TMEM63C: variants seen among roughly 807,000 people sequenced by gnomAD.
TMEM63C encodes the protein osmosensitive cation channel TMEM63C.
In TMEM63C, 32 loss-of-function variants were observed where a neutral mutation model predicts 99.2. The observed-to-expected ratio is 0.32, with a 90% CI of 0.24 to 0.43. The LOEUF is 0.43. TMEM63C is among the 20% of genes least tolerant of loss of function. The probability of loss-of-function intolerance (pLI) is 1.00; values close to 1 mark genes in which losing one functional copy is unlikely to be tolerated. For missense variants in TMEM63C, 826 were observed against 1,053.0 expected (o/e 0.78, Z 2.98); for synonymous variants, 376 against 397.9 (o/e 0.94, Z 0.66).
intron 1 of TMEM63C, among the ~76,000 whole-genome samples, chr14:77,212,763 T>C (rs1888513569): frequency 6.6e-6 from 1 of 152,146 alleles, no homozygotes; most frequent in South Asian, 2.1e-4. Flanking sequence ...TTTCTTTTCC[T>C]CCCTCACTGC....
chr14:77,249,298 C>T lies in TMEM63C; in HGVS notation c.1878C>T (p.Leu626=). ...TCCACCTTTGTCCCCCAGGGTTGCT[C>T]TACCTGTGCATGAAGCACTTGACGG... is the stretch of plus-strand genomic sequence containing the variant. ...TCPIIVPFGL[L]YLCMKHLTDR... is the part of the protein sequence containing the mutation. The change falls in exon 21 of 24, where the codon CTC becomes CTT. Residue 626 remains leucine, a synonymous_variant. Transcript: ENST00000298351. 1 of 1,613,946 alleles carries T rather than the reference C, an allele frequency of 6.2e-7. No individual in the cohort carries two copies. The highest frequency in any genetic ancestry group is 8.5e-7 in the Non-Finnish European group (1 of 1,179,856).
chr14:77,193,690 C>T (rs1054067657), intron 1 of TMEM63C, among the ~76,000 whole-genome samples: 2 of 152,052 alleles, frequency 1.3e-5, no homozygotes, highest in Non-Finnish European at 1.5e-5. Flanking sequence ...CAAAATTAGC[C>T]GGGTGTGGTG....
intron 1 of TMEM63C, among the ~76,000 whole-genome samples, chr14:77,189,782 G>T (rs997298764): frequency 6.6e-6 from 1 of 152,188 alleles, no homozygotes; most frequent in Non-Finnish European, 1.5e-5. Context: ...GAACTGGCAG[G>T]TTTCACTGGG....
intron 1 of TMEM63C, chr14:77,196,039 A>C (rs914757349): frequency 2.6e-5 from 4 of 152,930 alleles, no homozygotes; most frequent in African/African-American, 9.6e-5. Flanking sequence ...GCCCGCCTGC[A>C]CTGAGAGGGT....
intron 12 of TMEM63C, 51 bp downstream of exon 12, chr14:77,239,777 G>A (rs1889132030): frequency 1.1e-5 from 17 of 1,594,720 alleles, no homozygotes; most frequent in Non-Finnish European, 1.4e-5. Context: ...GGGGTCCTGG[G>A]GCTCTAGGCT....
Position 77,218,846 on chromosome 14 carries a change from G to C in TMEM63C, c.33G>C (p.Gly11=), listed in dbSNP as rs778579284. The change falls in exon 3 of 24, where the codon GGG becomes GGC. Residue 11 remains glycine (G), a synonymous_variant. Coordinates refer to ENST00000298351, the MANE Select transcript of TMEM63C (RefSeq NM_020431.4). Reference sequence around the variant, plus strand: ...CCTCACCAGACGACCTGAGTACAGGGGGAAGGTTACAGAACATGACAGTGG... The same window carrying C: ...CCTCACCAGACGACCTGAGTACAGGCGGAAGGTTACAGAACATGACAGTGG... The part of the protein sequence containing the change: MSASPDDLST[G]GRLQNMTVDE... The C allele has an allele frequency of 6.2e-6, 10 of 1,613,718 alleles. No individual in the cohort carries two copies. Among genetic ancestry groups the C allele is most frequent in the Non-Finnish European group, 8.5e-6 (10 of 1,179,812 alleles).
intron 15 of TMEM63C, 29 bp from the exon 16 acceptor site, chr14:77,244,320 T>A: frequency 6.5e-7 from 1 of 1,532,324 alleles, no homozygotes; most frequent in Non-Finnish European, 9.0e-7. Context: ...TTGACGTCTC[T>A]CCTGCCGTCC....
At chr14:77,244,127 C>T (rs930707538) in intron 15 of TMEM63C, among the ~76,000 whole-genome samples, 4 of 152,102 alleles carry the variant, frequency 2.6e-5, no homozygotes, top group Non-Finnish European at 2.9e-5. Context: ...CTCAGGCTGC[C>T]GCTCCAGTGA....
intron 18 of TMEM63C, among the ~76,000 whole-genome samples, chr14:77,246,884 T>A (rs78577993): frequency 0.024 from 3,641 of 152,264 alleles, 144 homozygotes; most frequent in African/African-American, 0.083. Context: ...CAGAATGATA[T>A]CTTTGAAATA....
intron 1 of TMEM63C, among the ~76,000 whole-genome samples, chr14:77,210,447 G>C (rs983158747): frequency 2.0e-5 from 3 of 152,226 alleles, no homozygotes; most frequent in Non-Finnish European, 4.4e-5. Flanking sequence ...TGAGGAGTTT[G>C]AGGATGGTAT....
chr14:77,243,183 G>A (rs1203837390), intron 15 of TMEM63C, 127 bp downstream of exon 15: 24 of 1,133,844 alleles, frequency 2.1e-5, no homozygotes, highest in Non-Finnish European at 2.9e-5. Flanking sequence ...ACATTGTGGA[G>A]GTGGCCATGG....
chr14:77,216,761 C>T (rs1267387649), intron 2 of TMEM63C, among the ~76,000 whole-genome samples: 1 of 152,156 alleles, frequency 6.6e-6, no homozygotes, highest in Non-Finnish European at 1.5e-5. Flanking sequence ...CGTCTCTCAC[C>T]TCCACTGCGC....
chr14:77,184,640 A>G (rs558739205), intron 1 of TMEM63C, among the ~76,000 whole-genome samples: 2 of 152,358 alleles, frequency 1.3e-5, no homozygotes, highest in East Asian at 3.9e-4. Context: ...CAGTGAGATC[A>G]GCAGCTTTTA....
chr14:77,245,512 A>G (rs1889254710), intron 16 of TMEM63C, among the ~76,000 whole-genome samples: 1 of 152,240 alleles, frequency 6.6e-6, no homozygotes, highest in African/African-American at 2.4e-5. Context: ...CACTCTGCTG[A>G]TAAAGACATA....
chr14:77,249,597 T>G, intron 21 of TMEM63C, 139 bp downstream of exon 21: 2 of 932,226 alleles, frequency 2.1e-6, no homozygotes, highest in Non-Finnish European at 3.2e-6. Flanking sequence ...ACCCAGTGAC[T>G]TCTCTGGGCC....
rs1352837678 is a variant in TMEM63C at position 77,240,551 on chromosome 14, C to T, written c.1007C>T (p.Pro336Leu). 16 of 1,611,758 alleles carry T rather than the reference C, an allele frequency of 9.9e-6. No homozygotes were observed. Among genetic ancestry groups the T allele is most frequent in the South Asian group, 6.6e-5 (6 of 91,070 alleles). Residue 336 changes from proline (P) to leucine (L), a missense_variant, in exon 13 of 24, where the codon CCG (proline) becomes CTG (leucine). Transcript: ENST00000298351. ...TTCAACGCCGAGCTCAACCGCGTGC[C>T]GCTCAAGCGGCTGGACCTGATCTTT... ...DEFNAELNRV[P>L]LKRLDLIFVT... is the part of the protein sequence containing the mutation.
At chr14:77,188,990 A>G (rs924856688) in intron 1 of TMEM63C, among the ~76,000 whole-genome samples, 1 of 152,270 alleles carries the variant, frequency 6.6e-6, no homozygotes, top group South Asian at 2.1e-4. Context: ...CAAAGTTGAT[A>G]TATGTGTACA....
At chr14:77,222,660 A>C (rs1333462572) in intron 5 of TMEM63C, among the ~76,000 whole-genome samples, 1 of 152,034 alleles carries the variant, frequency 6.6e-6, no homozygotes, top group African/African-American at 2.4e-5. Flanking sequence ...CAACAGGGCC[A>C]CCTGCTTCCC....
In TMEM63C at chr14:77,251,746, G is replaced by T; in HGVS notation, c.2039-43G>T. 3 of 1,541,470 alleles carry T rather than the reference G, an allele frequency of 1.9e-6. No individual in the cohort carries two copies. In the South Asian group the frequency reaches 3.3e-5, roughly 17 times the overall value. On this transcript the variant is annotated intron_variant, in intron 21 of 23. Coordinates refer to ENST00000298351, the MANE Select transcript of TMEM63C (RefSeq NM_020431.4). Reference sequence around the variant, plus strand: ...CATCTGCCAGTTGGGGTGGCATCTCGGCTGGCAGACTCCTGCCCATGACTT... The same window carrying T: ...CATCTGCCAGTTGGGGTGGCATCTCTGCTGGCAGACTCCTGCCCATGACTT...
Sources: gnomAD v4.1 joint callset for allele counts (sites outside exome capture counted in the v4.1 genomes callset) on GRCh38, gnomAD v4.1.1 for gene constraint, MANE v1.5 for transcripts, NCBI Gene and HGNC (gene_info 2026-07-23, HGNC 2026-07-21) for gene names.